Variants in CHCT1 observed in about 807,000 individuals in gnomAD.
The protein encoded by CHCT1 is CHD1 helical C-terminal domain containing protein 1.
the CHCT1 span, chr17:60,422,365 C>T: frequency 8.6e-7 from 1 of 1,165,196 alleles, no homozygotes; most frequent in East Asian, 3.1e-5. Flanking sequence ...GCTCCGTTCC[C>T]TAGTCCAGAT....
At chr17:60,423,564 A>G in the CHCT1 span, among the ~76,000 whole-genome samples, 4 of 151,940 alleles carry the variant, frequency 2.6e-5, no homozygotes, top group Non-Finnish European at 4.4e-5. Flanking sequence ...CCTGGGTTCC[A>G]GCAATTCTCC....
the CHCT1 span, chr17:60,426,959 T>A: frequency 6.9e-7 from 1 of 1,455,374 alleles, no homozygotes; most frequent in Admixed American, 2.1e-5. Context: ...CTCTGCTGCT[T>A]GACCTTTACC....
chr17:60,421,635 G>T, the CHCT1 span: 4 of 963,830 alleles, frequency 4.2e-6, no homozygotes, highest in Middle Eastern at 5.3e-4. Flanking sequence ...GCCGTGTGCC[G>T]CCCAGGGACG....
chr17:60,431,395 G>A, the CHCT1 span: 1 of 638,654 alleles, frequency 1.6e-6, no homozygotes, highest in Non-Finnish European at 2.7e-6. Flanking sequence ...AATGAGGTGG[G>A]AAATAAACAT....
the CHCT1 span, chr17:60,426,620 G>A: frequency 6.0e-6 from 9 of 1,488,114 alleles, no homozygotes; most frequent in Non-Finnish European, 7.2e-6. Flanking sequence ...GGGGCATGTG[G>A]CCCATATTCC....
At chr17:60,422,171 G>A in the CHCT1 span, 8 of 281,632 alleles carry the variant, frequency 2.8e-5, no homozygotes, top group Non-Finnish European at 4.5e-5. Context: ...CTTTCCTCTC[G>A]GGGAGCCCCC....
the CHCT1 span, chr17:60,421,833 C>G: frequency 2.0e-6 from 2 of 984,268 alleles, no homozygotes; most frequent in Non-Finnish European, 2.4e-6. Flanking sequence ...ACACCCGGCT[C>G]CCCGCCTGGT....
chr17:60,430,395 G>A, the CHCT1 span, among the ~76,000 whole-genome samples: 1 of 152,276 alleles, frequency 6.6e-6, no homozygotes, highest in Admixed American at 6.5e-5. Context: ...AATGGGCTAA[G>A]ATTAGTCACT....
chr17:60,427,856 C>G, the CHCT1 span, among the ~76,000 whole-genome samples: 6 of 152,126 alleles, frequency 3.9e-5, no homozygotes, highest in African/African-American at 1.4e-4. Context: ...CCTGCCCCCA[C>G]TCCCCTGGCG....
chr17:60,422,372 A>C, the CHCT1 span: 3 of 1,227,574 alleles, frequency 2.4e-6, no homozygotes, highest in Non-Finnish European at 3.3e-6. Flanking sequence ...TCCCTAGTCC[A>C]GATCCCAGCT....
At chr17:60,425,729 C>A in the CHCT1 span, 1 of 1,351,426 alleles carries the variant, frequency 7.4e-7, no homozygotes, top group Non-Finnish European at 1.0e-6. Flanking sequence ...GCCAGCACTG[C>A]CCCCAGGAGT....
the CHCT1 span, among the ~76,000 whole-genome samples, chr17:60,428,336 G>A: frequency 3.3e-5 from 5 of 152,018 alleles, no homozygotes; most frequent in Non-Finnish European, 7.4e-5. Context: ...CTGCACTCTC[G>A]CCGTGCAGCC....
the CHCT1 span, chr17:60,426,946 A>T: frequency 6.7e-7 from 1 of 1,485,580 alleles, no homozygotes; most frequent in Non-Finnish European, 9.0e-7. Context: ...TGCCAGGGCA[A>T]GACTCTGCTG....
At chr17:60,429,571 G>GT in the CHCT1 span, 1 of 1,610,550 alleles carries the variant, frequency 6.2e-7, no homozygotes, top group Admixed American at 1.7e-5. Flanking sequence ...ATGACCATTT[G>GT]GTGTTGGGGT....
chr17:60,429,149 A>G, the CHCT1 span, among the ~76,000 whole-genome samples: 7 of 152,324 alleles, frequency 4.6e-5, no homozygotes, highest in African/African-American at 1.7e-4. Flanking sequence ...TCTCAAAATA[A>G]AGGACAACGC....
the CHCT1 span, chr17:60,421,681 C>T: frequency 1.2e-6 from 1 of 853,272 alleles, no homozygotes; most frequent in Non-Finnish European, 1.4e-6. Context: ...GGGCGAGGGT[C>T]CCGGGGCCTC....
At chr17:60,426,642 C>T in the CHCT1 span, 17 of 1,542,186 alleles carry the variant, frequency 1.1e-5, no homozygotes, top group East Asian at 4.1e-4. Context: ...CTGGGTGGGT[C>T]CTGACCCTGA....
the CHCT1 span, chr17:60,422,631 G>A: frequency 8.4e-6 from 13 of 1,550,316 alleles, no homozygotes; most frequent in African/African-American, 1.4e-5. Context: ...AAGGGGACAA[G>A]CCACTAGAGC....
the CHCT1 span, chr17:60,422,282 G>C: frequency 2.3e-6 from 1 of 433,386 alleles, no homozygotes; most frequent in African/African-American, 2.1e-5. Flanking sequence ...CAGTATTCTT[G>C]GGAGAAGGGG....
Sources: gnomAD v4.1 joint callset for allele counts (sites outside exome capture counted in the v4.1 genomes callset) on GRCh38, gnomAD v4.1.1 for gene constraint, MANE v1.5 for transcripts, NCBI Gene and HGNC (gene_info 2026-07-23, HGNC 2026-07-21) for gene names.